Variants in OR2L3 observed in about 807,000 individuals in gnomAD.
The protein encoded by OR2L3 is olfactory receptor family 2 subfamily L member 3, also known as olfactory receptor 2L3.
For missense variants in OR2L3, 369 were observed against 376.6 expected, an observed-to-expected ratio of 0.98 and a Z score of 0.17; for synonymous variants, 131 against 139.1, an observed-to-expected ratio of 0.94 and a Z score of 0.41.
intron 1 of OR2L3, among the ~76,000 whole-genome samples, chr1:248,050,475 TA>T (rs1663228671): frequency 6.6e-6 from 1 of 152,032 alleles, no homozygotes; most frequent in Non-Finnish European, 1.5e-5. Flanking sequence ...TAATTTTATT[TA>T]AATAATATTA....
chr1:248,053,121 A>G (rs1296293398), intron 1 of OR2L3, among the ~76,000 whole-genome samples: 2 of 151,952 alleles, frequency 1.3e-5, no homozygotes, highest in African/African-American at 4.8e-5. Context: ...CCCTCCCACA[A>G]CAGGCCCCAG....
intron 1 of OR2L3, among the ~76,000 whole-genome samples, chr1:248,052,055 G>A (rs887807174): frequency 2.6e-5 from 4 of 152,068 alleles, no homozygotes; most frequent in African/African-American, 9.7e-5. Context: ...CTTGCAGTGG[G>A]TTTGTAAAGG....
In OR2L3 at chr1:248,061,284, C is replaced by A; in HGVS notation, c.603C>A (p.Ser201Arg). Residue 201 changes from serine to arginine, a missense_variant, in exon 2 of 2, where the codon AGC becomes AGA. By Grantham distance (110) the Ser-to-Arg change is moderately radical. Transcript: ENST00000359959. ...TCTATGAGGGCACAGTGTTTTTGAG[C>A]ACCACCATCTTTCTCGTGTTTCCCT... ...TWVYEGTVFL[S>R]TTIFLVFPFI... 2.5e-6 allele frequency: 4 copies of A among 1,583,124 alleles called. No individual in the cohort carries two copies. The highest frequency in any genetic ancestry group is 3.4e-6 in the Non-Finnish European group (4 of 1,161,434).
intron 1 of OR2L3, among the ~76,000 whole-genome samples, chr1:248,054,660 C>T (rs962839066): frequency 2.6e-5 from 4 of 152,060 alleles, no homozygotes; most frequent in African/African-American, 7.2e-5. Context: ...CCTTCACTTC[C>T]CTTATTAGCT....
At position 248,061,396 on chromosome 1, in the gene OR2L3, A is replaced by T. The variant is rs779606579; in HGVS notation, c.715A>T (p.Thr239Ser). ...AGAAGGGAGGAAGAAAGCCTACCTG[A>T]CCTGCAGCACCCACCTCACTGTAGT... ...SAEGRKKAYL[T>S]CSTHLTVVTF... The change falls in exon 2 of 2, where the codon ACC becomes TCC. Residue 239 changes from threonine to serine, a missense_variant. Physicochemically the swap from Thr to Ser is moderately conservative, Grantham distance 58. Transcript: ENST00000359959. 2.5e-6 allele frequency: 4 copies of T among 1,614,002 alleles called. No homozygotes were observed. Among genetic ancestry groups the T allele is most frequent in the African/African-American group, 1.3e-5 (1 of 74,978 alleles).
intron 1 of OR2L3, among the ~76,000 whole-genome samples, chr1:248,059,444 C>A (rs1663546290): frequency 6.6e-6 from 1 of 152,132 alleles, no homozygotes; most frequent in Middle Eastern, 3.2e-3. Flanking sequence ...GTTATCTAAG[C>A]ACTAGAGAAG....
chr1:248,051,703 C>T (rs1166577026), intron 1 of OR2L3, among the ~76,000 whole-genome samples: 1 of 152,112 alleles, frequency 6.6e-6, no homozygotes, highest in African/African-American at 2.4e-5. Context: ...ATCCATGTAA[C>T]AAACCACGAT....
chr1:248,060,654 C>A lies in OR2L3; in HGVS notation c.-21-7C>A. 6.4e-7 allele frequency: 1 copy of A among 1,559,940 alleles called. No individual in the cohort carries two copies. Among genetic ancestry groups the A allele is most frequent in the Middle Eastern group, 1.7e-4 (1 of 5,856 alleles). On this transcript the variant is annotated splice_region_variant and splice_polypyrimidine_tract_variant and intron_variant, in intron 1 of 1. Coordinates refer to ENST00000359959, the MANE Select transcript of OR2L3 (RefSeq NM_001004687.2). ...TGTGCTTAACTTACCCTTGTGTCTC[C>A]CTTCAGGAAAGAGCACACGAATGCC...
intron 1 of OR2L3, among the ~76,000 whole-genome samples, chr1:248,053,019 G>C (rs933108514): frequency 6.6e-6 from 1 of 152,022 alleles, no homozygotes; most frequent in Non-Finnish European, 1.5e-5. Context: ...GTAAACGTGT[G>C]CCATGGTGAT....
intron 1 of OR2L3, among the ~76,000 whole-genome samples, chr1:248,050,457 C>G (rs574779648): frequency 6.6e-6 from 1 of 151,974 alleles, no homozygotes; most frequent in African/African-American, 2.4e-5. Flanking sequence ...CTGTCAGGAA[C>G]CAGCCTTTAA....
rs1663649991 is a variant in OR2L3, at chr1:248,061,651, A to C, written c.*31A>C. The C allele has an allele frequency of 6.4e-7, 1 of 1,568,990 alleles. No individual in the cohort carries two copies. The highest frequency in any genetic ancestry group is 1.7e-5 in the Admixed American group (1 of 57,666). ...TTTTCTACCTAAGGTCTCAGGACTC[A>C]GATACACATCCATCCAGCAGTGTAT... On this transcript the variant is annotated 3_prime_UTR_variant, in exon 2 of 2. Coordinates refer to ENST00000359959, the MANE Select transcript of OR2L3 (RefSeq NM_001004687.2).
chr1:248,061,524 T>C lies in OR2L3; in HGVS notation c.843T>C (p.Thr281=), dbSNP rs539111593. The C allele has an allele frequency of 2.0e-4, 319 of 1,613,640 alleles. No individual in the cohort carries two copies. The highest frequency in any genetic ancestry group is 9.3e-4 in the Admixed American group (56 of 59,962). ...KVLAVFYTTL[T]PMLNPIIYSL... ...TGGCTGTCTTCTACACCACCCTCAC[T>C]CCAATGCTCAACCCCATCATCTATA... Residue 281 remains threonine (T), a synonymous_variant, in exon 2 of 2, where the codon ACT becomes ACC. Transcript: ENST00000359959.
rs1663627642 is a variant in OR2L3, at chr1:248,061,290, C to T, written c.609C>T (p.Thr203=). The change falls in exon 2 of 2, where the codon ACC becomes ACT. Residue 203 remains threonine (T), a synonymous_variant. Transcript: ENST00000359959. ...VYEGTVFLST[T]IFLVFPFIAI... is the part of the protein sequence containing the mutation. ...AGGGCACAGTGTTTTTGAGCACCAC[C>T]ATCTTTCTCGTGTTTCCCTTCATTG... 6.2e-7 allele frequency: 1 copy of T among 1,607,868 alleles called. No individual in the cohort carries two copies. Among genetic ancestry groups the T allele is most frequent in the Non-Finnish European group, 8.5e-7 (1 of 1,176,140 alleles).
rs1663604070 is a variant in OR2L3, at chr1:248,060,865, C to T, written c.184C>T (p.Leu62Phe). ...TCTCCACACACCCATGTATTTCCTA[C>T]TTAGTCAGCTCTCCCTCATTGACCT... ...THLHTPMYFL[L>F]SQLSLIDLNY... Residue 62 changes from leucine (L) to phenylalanine (F), a missense_variant, in exon 2 of 2, where the codon CTT becomes TTT. Coordinates refer to ENST00000359959, the MANE Select transcript of OR2L3 (RefSeq NM_001004687.2). 6 of 1,613,830 alleles carry T rather than the reference C, an allele frequency of 3.7e-6. No individual in the cohort carries two copies. The highest frequency in any genetic ancestry group is 2.2e-5 in the East Asian group (1 of 44,890).
Position 248,061,706 on chromosome 1 carries a change from G to T in OR2L3, c.*86G>T. The T allele has an allele frequency of 8.1e-7, 1 of 1,238,776 alleles. No individual in the cohort carries two copies. The allele number at this position is 1,238,776 out of a possible 1,614,324, so 76.7% of individuals were successfully genotyped here. On this transcript the variant is annotated 3_prime_UTR_variant, in exon 2 of 2. Transcript: ENST00000359959. ...ATTAAAATATTATTTCAATCCTAGAGTTCAGGAGCTAAAAGTAATCAAGGT... is the reference window on the plus strand; with the variant it reads ...ATTAAAATATTATTTCAATCCTAGATTTCAGGAGCTAAAAGTAATCAAGGT...
At chr1:248,053,850 G>C (rs189962592) in intron 1 of OR2L3, among the ~76,000 whole-genome samples, 102 of 152,152 alleles carry the variant, frequency 6.7e-4, no homozygotes, top group African/African-American at 2.4e-3. Context: ...TGTAGATTCT[G>C]GAATTAGATC....
chr1:248,060,513 A>T (rs1290295912), intron 1 of OR2L3, 148 bp from the exon 2 acceptor site: 2 of 598,898 alleles, frequency 3.3e-6, no homozygotes, highest in Non-Finnish European at 5.9e-6. Context: ...ATTAAACTTT[A>T]TCAGAAGTAT....
Position 248,060,821 on chromosome 1 carries a change from T to A in OR2L3, c.140T>A (p.Leu47His). The part of the protein sequence containing the change: ...ALIGNLSMIL[L>H]IFLDTHLHTP... ...ATTGGAAACCTATCCATGATTCTTC[T>A]CATCTTCTTGGACACCCATCTCCAC... Residue 47 changes from leucine to histidine, a missense_variant, in exon 2 of 2, where the codon CTC (leucine) becomes CAC (histidine). Physicochemically the swap from Leu to His is moderately conservative, Grantham distance 99. Coordinates refer to ENST00000359959, the MANE Select transcript of OR2L3 (RefSeq NM_001004687.2). 1 of 1,614,048 alleles carries A rather than the reference T, an allele frequency of 6.2e-7. No homozygotes were observed. The highest frequency in any genetic ancestry group is 1.3e-5 in the African/African-American group (1 of 75,024).
At chr1:248,055,447 G>A (rs907146080) in intron 1 of OR2L3, among the ~76,000 whole-genome samples, 1 of 152,022 alleles carries the variant, frequency 6.6e-6, no homozygotes, top group Non-Finnish European at 1.5e-5. Flanking sequence ...GCAGGATGAT[G>A]CTGGCCTCAT....
Sources: allele counts gnomAD v4.1 joint callset (sites outside exome capture counted in the v4.1 genomes callset), GRCh38; gene constraint gnomAD v4.1.1; transcripts MANE v1.5; gene names NCBI Gene and HGNC (gene_info 2026-07-23, HGNC 2026-07-21).